Variants in RNF216 observed in about 807,000 individuals in gnomAD.
The protein encoded by RNF216 is E3 ubiquitin-protein ligase RNF216.
Under a neutral mutation model 110.8 loss-of-function variants are expected in RNF216, and 72 were observed. The observed-to-expected ratio is 0.65, with a 90% CI of 0.54 to 0.79. RNF216 has a LOEUF of 0.79. RNF216 is among the 30% of genes least tolerant of loss of function. RNF216 has a pLI of 0.00. For synonymous variants in RNF216, 495 were observed against 407.5 expected, an observed-to-expected ratio of 1.21 and a Z score of -2.59; for missense variants, 1,342 against 1,141.2, an observed-to-expected ratio of 1.18 and a Z score of -2.54.
chr7:5,704,466 A>T (rs561060482), intron 13 of RNF216, among the ~76,000 whole-genome samples: 1 of 152,362 alleles, frequency 6.6e-6, no homozygotes, highest in Non-Finnish European at 1.5e-5. Flanking sequence ...ACAACTGAGA[A>T]AGGTAAAAGC....
At chr7:5,702,532 G>A (rs1004916170) in intron 13 of RNF216, among the ~76,000 whole-genome samples, 1 of 152,134 alleles carries the variant, frequency 6.6e-6, no homozygotes, top group Non-Finnish European at 1.5e-5. Context: ...AGGCAGGGTG[G>A]GAAGGGAGGC....
At chr7:5,735,065 G>A (rs1402050763) in intron 5 of RNF216, among the ~76,000 whole-genome samples, 1 of 151,744 alleles carries the variant, frequency 6.6e-6, no homozygotes, top group Non-Finnish European at 1.5e-5. Context: ...AGAATCGCTC[G>A]AACCCAGAAG....
Position 5,773,109 on chromosome 7 carries a change from A to G in RNF216, c.-70+8432T>C, listed in dbSNP as rs928861289. ...GTATTCCCACTTTTAAAACTGACAT[A>G]TATCAGCGTAAGTTTGGGTCTCTCA... On this transcript the variant is annotated intron_variant, in intron 1 of 16. Coordinates refer to ENST00000389902, the MANE Select transcript of RNF216 (RefSeq NM_207111.4). Among the ~76,000 whole-genome samples, 31 of 152,148 alleles carry G rather than the reference A, an allele frequency of 2.0e-4. 1 individual carries two copies. The highest frequency in any genetic ancestry group is 6.3e-4 in the African/African-American group (26 of 41,522).
At chr7:5,723,658 AT>A (rs1030310792) in intron 8 of RNF216, among the ~76,000 whole-genome samples, 8 of 152,070 alleles carry the variant, frequency 5.3e-5, no homozygotes, top group South Asian at 2.1e-4. Context: ...AAAAAAAAAA[AT>A]AAATAAATAA....
intron 13 of RNF216, among the ~76,000 whole-genome samples, chr7:5,711,282 G>A (rs1015555718): frequency 1.3e-5 from 2 of 152,164 alleles, no homozygotes; most frequent in African/African-American, 4.8e-5. Context: ...TTCTCATGAG[G>A]AGAAACAGTC....
chr7:5,745,018 C>G (rs1794959864), intron 3 of RNF216, among the ~76,000 whole-genome samples: 1 of 151,830 alleles, frequency 6.6e-6, no homozygotes, highest in Non-Finnish European at 1.5e-5. Context: ...TTTATGAAGT[C>G]AGAATCATGC....
chr7:5,723,934 A>T (rs925613596), intron 8 of RNF216, among the ~76,000 whole-genome samples: 9 of 152,188 alleles, frequency 5.9e-5, no homozygotes, highest in Non-Finnish European at 1.0e-4. Flanking sequence ...ATCAAGTGTA[A>T]TTTCTATCTT....
At chr7:5,742,250 T>A (rs950000678) in intron 3 of RNF216, among the ~76,000 whole-genome samples, 2 of 152,100 alleles carry the variant, frequency 1.3e-5, no homozygotes, top group Non-Finnish European at 2.9e-5. Context: ...TTTTGCCATG[T>A]TGGCCACGCT....
chr7:5,698,883 C>A (rs1301375287), intron 13 of RNF216, among the ~76,000 whole-genome samples: 3 of 152,206 alleles, frequency 2.0e-5, no homozygotes, highest in African/African-American at 7.2e-5. Flanking sequence ...TGCACATTTT[C>A]TCATCTCTTA....
intron 3 of RNF216, among the ~76,000 whole-genome samples, chr7:5,745,781 T>A (rs531643147): frequency 6.6e-6 from 1 of 150,802 alleles, no homozygotes; most frequent in South Asian, 2.1e-4. Context: ...ACACCTGTAA[T>A]CCCAGCTACT....
At position 5,716,501 on chromosome 7, in the gene RNF216, G is replaced by C. The variant is rs547792514; in HGVS notation, c.1695+215C>G. ...GAATGTCAGGTAATGATTTTTAACA[G>C]GAACATCTATTATCTTCCCTTCAAT... On this transcript the variant is annotated intron_variant, in intron 10 of 16. Transcript: ENST00000389902. Among the ~76,000 whole-genome samples the C allele has an allele frequency of 9.9e-5, 15 of 152,008 alleles. No individual in the cohort carries two copies. In the South Asian group the frequency reaches 2.1e-3, roughly 21 times the overall value.
In RNF216 at chr7:5,758,073, GTATACATACTCGTC is replaced by G. The variant is rs568090410; in HGVS notation, c.67+2916_67+2929del. ...AAAAAGTTCTCATGATGGGTGCAGA[GTATACATACTCGTC>G]TAACAAAATATATCTCCAAAGTCAG... On this transcript the variant is annotated intron_variant, in intron 2 of 16. Coordinates refer to ENST00000389902, the MANE Select transcript of RNF216 (RefSeq NM_207111.4). Among the ~76,000 whole-genome samples, 91 of 152,248 alleles carry G rather than the reference GTATACATACTCGTC, an allele frequency of 6.0e-4. 1 individual carries two copies. The highest frequency in any genetic ancestry group is 5.0e-3 in the Admixed American group (77 of 15,290).
chr7:5,672,226 T>A (rs936800997), intron 13 of RNF216, among the ~76,000 whole-genome samples: 2 of 152,330 alleles, frequency 1.3e-5, no homozygotes, highest in South Asian at 4.1e-4. Context: ...AAACCAAGAA[T>A]GCCACCGATT....
rs914557859 is a variant in RNF216 at position 5,624,536 on chromosome 7, G to A, written c.2383-411C>T. Among the ~76,000 whole-genome samples, 11 of 152,260 alleles carry A rather than the reference G, an allele frequency of 7.2e-5. No homozygotes were observed. The highest frequency in any genetic ancestry group is 1.9e-4 in the African/African-American group (8 of 41,476). On this transcript the variant is annotated intron_variant, in intron 15 of 16. Transcript: ENST00000389902. The surrounding 1 kb of genome is among the most constrained non-coding windows in gnomAD (Gnocchi z 4.4). ...CGCTCGGCATGGCAGCCTGTCTGCA[G>A]AGCCTGGAAAAGTCTTGCAGATGTC...
At chr7:5,739,414 C>T (rs1794623115) in intron 4 of RNF216, 62 bp from the exon 5 acceptor site, 4 of 1,501,718 alleles carry the variant, frequency 2.7e-6, no homozygotes, top group South Asian at 2.3e-5. Context: ...AATGGCAATA[C>T]AAGACAGATG....
chr7:5,712,849 G>A lies in RNF216; in HGVS notation c.1848C>T (p.Cys616=), dbSNP rs775243459. 1 of 1,612,556 alleles carries A rather than the reference G, an allele frequency of 6.2e-7. No individual in the cohort carries two copies. The highest frequency in any genetic ancestry group is 1.7e-5 in the Admixed American group (1 of 59,606). ...VFGSGKLELS[C]MEGSCTCSFP... is the part of the protein sequence containing the mutation. ...ACGAACACGTGCAGCTGCCTTCCAT[G>A]CAGCTGAGCTCCAACTAGAAAAAGG... The change falls in exon 12 of 17, where the codon TGC becomes TGT. Residue 616 remains cysteine, a synonymous_variant. Transcript: ENST00000389902.
rs1562400905 is a variant in RNF216, at chr7:5,696,332, G to A, written c.2061+15429C>T. ...AGAAATTAAGCTGATCTGAGTGAGA[G>A]AAATTAAGCTTATTCGACATGCCTT... On this transcript the variant is annotated intron_variant, in intron 13 of 16. Coordinates refer to ENST00000389902, the MANE Select transcript of RNF216 (RefSeq NM_207111.4). The surrounding 1 kb of genome is among the most constrained non-coding windows in gnomAD (Gnocchi z 5.4). Among the ~76,000 whole-genome samples the A allele has an allele frequency of 6.6e-6, 1 of 152,222 alleles. No homozygotes were observed. The highest frequency in any genetic ancestry group is 2.4e-5 in the African/African-American group (1 of 41,450).
At chr7:5,726,549 T>C (rs564300912) in intron 7 of RNF216, among the ~76,000 whole-genome samples, 39 of 152,194 alleles carry the variant, frequency 2.6e-4, no homozygotes, top group African/African-American at 8.2e-4. Flanking sequence ...AGATTTCCCT[T>C]ATCAGGATTT....
Position 5,652,501 on chromosome 7 carries a change from T to C in RNF216, c.2071A>G (p.Arg691Gly). 1 of 1,612,822 alleles carries C rather than the reference T, an allele frequency of 6.2e-7. No individual in the cohort carries two copies. The highest frequency in any genetic ancestry group is 8.5e-7 in the Non-Finnish European group (1 of 1,178,826). ...TCTTTCCAGAGTCCCTGACACTTCC[T>C]ACAGGTTTCCTGGGGATAAAGGACA... Reference protein sequence around the residue: ...PNPHCRKETCRKCQGLWKEHN... With the variant: ...PNPHCRKETCGKCQGLWKEHN... The change falls in exon 14 of 17, where the codon AGG (arginine) becomes GGG (glycine). Residue 691 changes from arginine (R) to glycine (G), a missense_variant. Physicochemically the swap from Arg to Gly is moderately radical, Grantham distance 125. Transcript: ENST00000389902.
Sources: allele counts gnomAD v4.1 joint callset (sites outside exome capture counted in the v4.1 genomes callset), GRCh38; gene constraint gnomAD v4.1.1; non-coding constraint Gnocchi (gnomAD v3.1); transcripts MANE v1.5; gene names NCBI Gene and HGNC (gene_info 2026-07-23, HGNC 2026-07-21).